NBEAL1: variants seen among roughly 807,000 people sequenced by gnomAD.
NBEAL1 encodes neurobeachin-like protein 1.
NBEAL1 carries 273 observed loss-of-function variants against 351.3 expected under a neutral mutation model. The observed-to-expected ratio is 0.78, with a 90% CI of 0.70 to 0.86. NBEAL1 has a LOEUF of 0.86. Ranked by LOEUF, NBEAL1 falls within the 40% of genes least tolerant of loss-of-function variation. NBEAL1 has a pLI of 0.00. For missense variants in NBEAL1, 2,961 were observed against 3,201.3 expected, an observed-to-expected ratio of 0.92 and a Z score of 1.81; for synonymous variants, 1,050 against 1,086.4, an observed-to-expected ratio of 0.97 and a Z score of 0.66.
At chr2:203,087,456 G>C (rs1010381565) in intron 10 of NBEAL1, among the ~76,000 whole-genome samples, 1 of 151,800 alleles carries the variant, frequency 6.6e-6, no homozygotes, top group Admixed American at 6.6e-5. Context: ...CAATGTTATC[G>C]TATCAATCCT....
chr2:203,143,703 A>G lies in NBEAL1; in HGVS notation c.4849-897A>G, dbSNP rs182495060. Among the ~76,000 whole-genome samples the G allele has an allele frequency of 3.9e-5, 6 of 152,262 alleles. No individual in the cohort carries two copies. The East Asian group carries it at 9.7e-4, about 25-fold the overall frequency. ...AGCCATTGTTGGTAGACAGTTCTCC[A>G]TGGGTCTCTTGTGTTTCTATATATC... On this transcript the variant is annotated intron_variant, in intron 31 of 55. Coordinates refer to ENST00000683969, the MANE Select transcript of NBEAL1 (RefSeq NM_001378026.1).
chr2:203,070,402 T>G (rs890949440), intron 7 of NBEAL1, among the ~76,000 whole-genome samples: 2 of 149,410 alleles, frequency 1.3e-5, no homozygotes, highest in Non-Finnish European at 3.0e-5. Flanking sequence ...ATTGCTCTGT[T>G]GTCCAGTCTG....
At chr2:203,205,952 T>C (rs2065542043) in intron 51 of NBEAL1, among the ~76,000 whole-genome samples, 1 of 152,246 alleles carries the variant, frequency 6.6e-6, no homozygotes. Context: ...GTGGAAGGTG[T>C]GGGCAGAGTT....
chr2:203,073,403 A>G (rs1435674937), intron 7 of NBEAL1, among the ~76,000 whole-genome samples: 1 of 152,200 alleles, frequency 6.6e-6, no homozygotes, highest in Non-Finnish European at 1.5e-5. Flanking sequence ...TGTGGAATCT[A>G]AATTGATGTC....
At chr2:203,161,004 G>A (rs923282060) in intron 36 of NBEAL1, among the ~76,000 whole-genome samples, 2 of 152,240 alleles carry the variant, frequency 1.3e-5, no homozygotes, top group East Asian at 1.9e-4. Context: ...ACCAACCTGA[G>A]CAACATGGTG....
At chr2:203,028,043 C>T (rs2060888407) in intron 2 of NBEAL1, among the ~76,000 whole-genome samples, 1 of 152,090 alleles carries the variant, frequency 6.6e-6, no homozygotes. Context: ...GCCACCACGC[C>T]TAGCTAATTT....
intron 19 of NBEAL1, 60 bp from the exon 20 acceptor site, chr2:203,125,292 T>C: frequency 8.4e-7 from 1 of 1,192,394 alleles, no homozygotes; most frequent in Non-Finnish European, 1.1e-6. Context: ...CATGTGAAGA[T>C]ATTAAATGAC....
chr2:203,168,523 C>T, intron 38 of NBEAL1, among the ~76,000 whole-genome samples: 1 of 152,142 alleles, frequency 6.6e-6, no homozygotes, highest in Non-Finnish European at 1.5e-5. Context: ...GCAGAGATTG[C>T]AGTGAGCCGA....
At chr2:203,127,013 T>A (rs960963624) in intron 23 of NBEAL1, 87 bp downstream of exon 23, 8 of 898,920 alleles carry the variant, frequency 8.9e-6, no homozygotes, top group Non-Finnish European at 1.4e-5. Flanking sequence ...ACTTTCTCTT[T>A]ACCAGCGATT....
At chr2:203,217,129 TAA>T (rs958983002) in intron 55 of NBEAL1, 122 bp from the exon 56 acceptor site, 8 of 660,096 alleles carry the variant, frequency 1.2e-5, no homozygotes, top group African/African-American at 9.3e-5. Flanking sequence ...TGATAACCTT[TAA>T]AGTGTTAATA....
At chr2:203,126,227 C>T in intron 21 of NBEAL1, 134 bp downstream of exon 21, 2 of 947,488 alleles carry the variant, frequency 2.1e-6, no homozygotes, top group Non-Finnish European at 3.0e-6. Flanking sequence ...ATAATTTGTT[C>T]ACAGGCAGCT....
chr2:203,149,573 GT>G (rs2063598321), intron 34 of NBEAL1, among the ~76,000 whole-genome samples: 1 of 151,926 alleles, frequency 6.6e-6, no homozygotes, highest in African/African-American at 2.4e-5. Flanking sequence ...GTGGTAAAAT[GT>G]ACATAAAATT....
At chr2:203,093,417 G>A (rs1462342879) in intron 10 of NBEAL1, among the ~76,000 whole-genome samples, 1 of 152,038 alleles carries the variant, frequency 6.6e-6, no homozygotes, top group Admixed American at 6.5e-5. Context: ...CTATCATGAT[G>A]GTGAGCTAAT....
intron 12 of NBEAL1, among the ~76,000 whole-genome samples, chr2:203,104,461 C>T (rs2062390925): frequency 6.6e-6 from 1 of 152,206 alleles, no homozygotes; most frequent in African/African-American, 2.4e-5. Context: ...CTCTTGAAGA[C>T]AGCATACCAC....
chr2:203,079,947 A>G (rs908406180), intron 8 of NBEAL1, among the ~76,000 whole-genome samples: 6 of 152,140 alleles, frequency 3.9e-5, no homozygotes, highest in Non-Finnish European at 7.4e-5. Flanking sequence ...TTGATAATGT[A>G]TTTATCATTT....
chr2:203,199,341 A>T lies in NBEAL1; in HGVS notation c.7132A>T (p.Thr2378Ser), dbSNP rs773557795. 6.4e-7 allele frequency: 1 copy of T among 1,553,102 alleles called. No homozygotes were observed. The highest frequency in any genetic ancestry group is 1.1e-5 in the South Asian group (1 of 87,426). The change falls in exon 49 of 56, where the codon ACA becomes TCA. Residue 2378 changes from threonine (T) to serine (S), a missense_variant. Physicochemically the swap from Thr to Ser is moderately conservative, Grantham distance 58. Transcript: ENST00000683969. The part of the protein sequence containing the change: ...MSQGSPELLI[T>S]ISMNYVIGTH... ...GTCTTCATATGTTCTTTTCCAGATA[A>T]CAATAAGCATGAATTATGTTATTGG...
At chr2:203,106,613 T>C (rs1439143268) in intron 12 of NBEAL1, among the ~76,000 whole-genome samples, 1 of 152,138 alleles carries the variant, frequency 6.6e-6, no homozygotes, top group Non-Finnish European at 1.5e-5. Flanking sequence ...TTTTTGTCCA[T>C]ATAATAGCTG....
At chr2:203,038,163 A>G (rs985841555) in intron 2 of NBEAL1, among the ~76,000 whole-genome samples, 2 of 149,278 alleles carry the variant, frequency 1.3e-5, no homozygotes, top group Non-Finnish European at 3.0e-5. Flanking sequence ...TTTTGTTTTC[A>G]GCTTTGGGCT....
At chr2:203,065,907 G>A (rs1198412843) in intron 6 of NBEAL1, among the ~76,000 whole-genome samples, 1 of 152,154 alleles carries the variant, frequency 6.6e-6, no homozygotes, top group Non-Finnish European at 1.5e-5. Context: ...AGTAATAATG[G>A]AGCAATTAAC....
Sources: gnomAD v4.1 joint callset for allele counts (sites outside exome capture counted in the v4.1 genomes callset) on GRCh38, gnomAD v4.1.1 for gene constraint, MANE v1.5 for transcripts, NCBI Gene and HGNC (gene_info 2026-07-23, HGNC 2026-07-21) for gene names.